The following PERP variants were observed in gnomAD, a reference collection of about 807,000 sequenced individuals.
PERP encodes p53 apoptosis effector related to PMP-22.
A neutral mutation model predicts 20.3 loss-of-function variants in PERP; 11 were observed. That is an observed-to-expected ratio of 0.54 (90% CI 0.34 to 0.90). PERP has a LOEUF of 0.90. Among genes scored for constraint, PERP ranks in the 40% least tolerant of loss-of-function variants. The pLI, the probability that PERP is intolerant of heterozygous loss-of-function variation, is 0.02. For missense variants in PERP, 224 were observed against 249.4 expected, an observed-to-expected ratio of 0.90 and a Z score of 0.69; for synonymous variants, 101 against 102.0, an observed-to-expected ratio of 0.99 and a Z score of 0.06.
chr6:138,099,038 T>C (rs1361231302), intron 1 of PERP, among the ~76,000 whole-genome samples: 2 of 152,250 alleles, frequency 1.3e-5, no homozygotes, highest in East Asian at 1.9e-4. Context: ...AGAGGGACCA[T>C]GCTTTGGAAA....
intron 1 of PERP, among the ~76,000 whole-genome samples, chr6:138,100,413 T>G (rs1355178141): frequency 6.6e-6 from 1 of 152,206 alleles, no homozygotes; most frequent in Admixed American, 6.5e-5. Context: ...ACATCAATTT[T>G]TAGAACTTGT....
chr6:138,092,961 G>C (rs761531411), intron 2 of PERP, among the ~76,000 whole-genome samples: 1 of 152,158 alleles, frequency 6.6e-6, no homozygotes, highest in Non-Finnish European at 1.5e-5. Flanking sequence ...AGTGCTTAGG[G>C]AGGTGTGAGT....
At chr6:138,104,995 C>T (rs1435772732) in intron 1 of PERP, among the ~76,000 whole-genome samples, 2 of 152,186 alleles carry the variant, frequency 1.3e-5, no homozygotes, top group East Asian at 1.9e-4. Flanking sequence ...GGCGATGAGA[C>T]AGACGTATAA....
In PERP at chr6:138,089,972, G is replaced by A. The variant is rs149026333; in HGVS notation, c.*2070C>T. 3 of 152,172 alleles carry A rather than the reference G, an allele frequency of 2.0e-5. No individual in the cohort carries two copies. Among genetic ancestry groups the A allele is most frequent in the East Asian group, 1.9e-4 (1 of 5,174 alleles). 9.4% of individuals were successfully genotyped at this position (152,172 alleles called of 1,614,324 possible). A position where few individuals can be genotyped will look rare whatever the true frequency, so the allele number is the denominator to read the frequency against. On this transcript the variant is annotated 3_prime_UTR_variant, in exon 3 of 3. Coordinates refer to ENST00000421351, the MANE Select transcript of PERP (RefSeq NM_022121.5). ...GCATGTGGTAGAGAAGCTTATAAAC[G>A]GAGTCATTTTCATGTTTAACAGGAG...
intron 1 of PERP, among the ~76,000 whole-genome samples, chr6:138,106,065 G>A (rs540906311): frequency 2.0e-5 from 3 of 152,258 alleles, no homozygotes; most frequent in Non-Finnish European, 4.4e-5. Flanking sequence ...AACAGGATTG[G>A]GTTGGAAGCC....
chr6:138,092,752 T>G (rs955536509), intron 2 of PERP, among the ~76,000 whole-genome samples: 5 of 152,018 alleles, frequency 3.3e-5, no homozygotes, highest in Admixed American at 3.3e-4. Flanking sequence ...CAATAACACA[T>G]CACTGGAATA....
chr6:138,102,626 G>A (rs1775790929), intron 1 of PERP, among the ~76,000 whole-genome samples: 1 of 152,110 alleles, frequency 6.6e-6, no homozygotes, highest in Admixed American at 6.5e-5. Flanking sequence ...GGCTCTCTGG[G>A]GTGGCTACTG....
intron 1 of PERP, among the ~76,000 whole-genome samples, chr6:138,096,760 G>A (rs1407134995): frequency 1.3e-5 from 2 of 152,136 alleles, no homozygotes; most frequent in Non-Finnish European, 2.9e-5. Context: ...TGAAATGAAA[G>A]TCAAACTTCA....
Position 138,090,932 on chromosome 6 carries a change from C to A in PERP, c.*1110G>T, listed in dbSNP as rs1219136778. On this transcript the variant is annotated 3_prime_UTR_variant, in exon 3 of 3. Transcript: ENST00000421351. ...TGGTAAAAAATCATAATGACCTATCCGATGCATCATATATATGCTATTCAG... is the reference window on the plus strand; with the variant it reads ...TGGTAAAAAATCATAATGACCTATCAGATGCATCATATATATGCTATTCAG... 1.3e-5 allele frequency: 2 copies of A among 152,546 alleles called. No homozygotes were observed. The highest frequency in any genetic ancestry group is 4.8e-5 in the African/African-American group (2 of 41,406). The allele number at this position is 152,546 out of a possible 1,614,324, so 9.4% of individuals were successfully genotyped here.
In PERP at chr6:138,107,182, T is replaced by A. The variant is rs1186798357; in HGVS notation, c.159A>T (p.Gln53His). ...CGTAGGACCCGCTGCCGCCGCCCTC[T>A]TGGGAGCATTTCCACCACAGCGAGG... Reference protein sequence around the residue: ...QTSSLWWKCSQEGGGSGSYEE... With the variant: ...QTSSLWWKCSHEGGGSGSYEE... Residue 53 changes from glutamine to histidine, a missense_variant, in exon 1 of 3, where the codon CAA (glutamine) becomes CAT (histidine). By Grantham distance (24) the Gln-to-His change is conservative. Transcript: ENST00000421351. The surrounding 1 kb of genome is among the most constrained non-coding windows in gnomAD (Gnocchi z 4.8). The A allele has an allele frequency of 6.2e-6, 10 of 1,611,998 alleles. No homozygotes were observed. The highest frequency in any genetic ancestry group is 8.5e-6 in the Non-Finnish European group (10 of 1,179,548).
chr6:138,101,926 C>A (rs1445488952), intron 1 of PERP, among the ~76,000 whole-genome samples: 1 of 152,182 alleles, frequency 6.6e-6, no homozygotes, highest in Non-Finnish European at 1.5e-5. Flanking sequence ...GATCCTTAGG[C>A]CAGCATGAGA....
At chr6:138,103,684 A>G (rs770891351) in intron 1 of PERP, among the ~76,000 whole-genome samples, 10 of 152,054 alleles carry the variant, frequency 6.6e-5, no homozygotes, top group Non-Finnish European at 1.3e-4. Flanking sequence ...TAATTACACA[A>G]CTCACCATAA....
At position 138,088,783 on chromosome 6, in the gene PERP, G is replaced by C. The variant is rs1038119030; in HGVS notation, c.*3259C>G. 1.3e-5 allele frequency: 2 copies of C among 152,126 alleles called. No homozygotes were observed. The highest frequency in any genetic ancestry group is 2.9e-5 in the Non-Finnish European group (2 of 68,036). The allele number at this position is 152,126 out of a possible 1,614,324, so 9.4% of individuals were successfully genotyped here. A position where few individuals can be genotyped will look rare whatever the true frequency, so the allele number is the denominator to read the frequency against. On this transcript the variant is annotated 3_prime_UTR_variant, in exon 3 of 3. Transcript: ENST00000421351. ...CCTAAAAATGGTCTCAAAAAGCAAA[G>C]GGCTCTGACCATCGACTGATGGGGT...
chr6:138,101,505 C>T (rs1264086915), intron 1 of PERP, among the ~76,000 whole-genome samples: 1 of 152,144 alleles, frequency 6.6e-6, no homozygotes, highest in Non-Finnish European at 1.5e-5. Flanking sequence ...AAGTTTCCCC[C>T]CAAAGGTAGT....
chr6:138,091,881 A>G lies in PERP; in HGVS notation c.*161T>C. On this transcript the variant is annotated 3_prime_UTR_variant, in exon 3 of 3. Transcript: ENST00000421351. Reference sequence around the variant, plus strand: ...TAAAAGATAAACATGAAACTATAACACTACTTAAAAAATATTTTCTCCCAA... The same window carrying G: ...TAAAAGATAAACATGAAACTATAACGCTACTTAAAAAATATTTTCTCCCAA... 4 of 620,230 alleles carry G rather than the reference A, an allele frequency of 6.4e-6. 1 individual carries two copies. The highest frequency in any genetic ancestry group is 8.3e-6 in the Non-Finnish European group (3 of 360,466). The allele number at this position is 620,230 out of a possible 1,614,324, so 38.4% of individuals were successfully genotyped here. A position where few individuals can be genotyped will look rare whatever the true frequency, so the allele number is the denominator to read the frequency against.
intron 1 of PERP, among the ~76,000 whole-genome samples, chr6:138,103,056 G>A (rs1775797234): frequency 1.3e-5 from 2 of 150,082 alleles, no homozygotes; most frequent in African/African-American, 4.9e-5. Flanking sequence ...CAGAGATTGT[G>A]CCACTGCACT....
intron 1 of PERP, among the ~76,000 whole-genome samples, chr6:138,098,588 A>G (rs1775731923): frequency 6.6e-6 from 1 of 152,194 alleles, no homozygotes; most frequent in Non-Finnish European, 1.5e-5. Flanking sequence ...ACCATCCCTT[A>G]AAGATTGTTT....
chr6:138,096,414 G>A lies in PERP; in HGVS notation c.295C>T (p.Leu99Phe). 1.2e-6 allele frequency: 2 copies of A among 1,614,102 alleles called. No individual in the cohort carries two copies. Among genetic ancestry groups the A allele is most frequent in the Non-Finnish European group, 1.7e-6 (2 of 1,180,010 alleles). ...VICFILSFFA[L>F]CGPQMLVFLR... ...AAGACAAGCATCTGGGGTCCACAGA[G>A]GGCGAAGAAGGAGAGGATGAAACAG... The change falls in exon 2 of 3, where the codon CTC becomes TTC. Residue 99 changes from leucine to phenylalanine, a missense_variant. Transcript: ENST00000421351.
rs1487362699 is a variant in PERP at position 138,091,574 on chromosome 6, A to T, written c.*468T>A. 1 of 152,960 alleles carries T rather than the reference A, an allele frequency of 6.5e-6. No homozygotes were observed. Among genetic ancestry groups the T allele is most frequent in the Non-Finnish European group, 1.5e-5 (1 of 68,606 alleles). The allele number at this position is 152,960 out of a possible 1,614,324, so 9.5% of individuals were successfully genotyped here. ...TAAATAGTTCGAAGGCTTGAAAATA[A>T]ACTTTTTTTTTGCATTTCTTTTAGA... On this transcript the variant is annotated 3_prime_UTR_variant, in exon 3 of 3. Coordinates refer to ENST00000421351, the MANE Select transcript of PERP (RefSeq NM_022121.5).
Sources: allele counts gnomAD v4.1 joint callset (sites outside exome capture counted in the v4.1 genomes callset), GRCh38; gene constraint gnomAD v4.1.1; non-coding constraint Gnocchi (gnomAD v3.1); transcripts MANE v1.5; gene names NCBI Gene and HGNC (gene_info 2026-07-23, HGNC 2026-07-21).